Variants in USP7 observed in about 807,000 individuals in gnomAD.
The protein encoded by USP7 is ubiquitin C-terminal hydrolase 7.
Under a neutral mutation model 162.9 loss-of-function variants are expected in USP7, and 9 were observed. The ratio of observed to expected loss-of-function variants is 0.06; its 90% CI spans 0.03 to 0.10. The LOEUF (loss-of-function observed/expected upper bound fraction) is 0.10. Ranked by LOEUF, USP7 falls within the 10% of genes least tolerant of loss-of-function variation. USP7 has a pLI of 1.00. For missense variants in USP7, 715 were observed against 1,373.7 expected (o/e 0.52, Z 7.58); for synonymous variants, 562 against 475.9 (o/e 1.18, Z -2.35).
chr16:8,919,787 G>A (rs1897583298), intron 5 of USP7, among the ~76,000 whole-genome samples: 1 of 150,520 alleles, frequency 6.6e-6, no homozygotes, highest in Non-Finnish European at 1.5e-5. Flanking sequence ...GCCACGACCT[G>A]AACACACGAC....
intron 1 of USP7, among the ~76,000 whole-genome samples, chr16:8,959,156 G>A (rs563440178): frequency 5.3e-5 from 8 of 152,276 alleles, no homozygotes; most frequent in African/African-American, 1.9e-4. Flanking sequence ...TGACGGGCAT[G>A]AATGACCTCC....
chr16:8,952,673 C>T (rs2141262973), intron 1 of USP7, among the ~76,000 whole-genome samples: 1 of 152,276 alleles, frequency 6.6e-6, no homozygotes, highest in African/African-American at 2.4e-5. Context: ...AATCCCTTTG[C>T]CATGTAACGT....
intron 1 of USP7, among the ~76,000 whole-genome samples, chr16:8,954,664 G>A (rs991116520): frequency 1.3e-5 from 2 of 152,196 alleles, no homozygotes; most frequent in African/African-American, 4.8e-5. Context: ...ATTCATTTGA[G>A]GTTTGCGTAG....
intron 18 of USP7, 40 bp downstream of exon 18, chr16:8,902,042 T>A (rs1248830776): frequency 1.3e-6 from 2 of 1,529,634 alleles, no homozygotes; most frequent in South Asian, 2.2e-5. Context: ...AATCCAACGC[T>A]ACTGCTCTAA....
chr16:8,902,541 T>A, intron 16 of USP7, 59 bp from the exon 17 acceptor site: 3 of 1,373,408 alleles, frequency 2.2e-6, no homozygotes, highest in Non-Finnish European at 3.1e-6. Context: ...TAGTCCTCTA[T>A]ATTACACACA....
At chr16:8,926,679 G>C (rs1327881155) in intron 2 of USP7, among the ~76,000 whole-genome samples, 1 of 152,192 alleles carries the variant, frequency 6.6e-6, no homozygotes, top group African/African-American at 2.4e-5. Context: ...AGTATGCTAG[G>C]TATTAGCAAG....
At chr16:8,942,733 G>C (rs1246708375) in intron 1 of USP7, among the ~76,000 whole-genome samples, 1 of 152,106 alleles carries the variant, frequency 6.6e-6, no homozygotes, top group African/African-American at 2.4e-5. Flanking sequence ...TTTTTTTGTA[G>C]AGACTGGGTC....
chr16:8,942,461 C>T (rs1899091903), intron 1 of USP7, among the ~76,000 whole-genome samples: 1 of 152,252 alleles, frequency 6.6e-6, no homozygotes, highest in Non-Finnish European at 1.5e-5. Context: ...TCACCCCAGC[C>T]TGTCAAAGTA....
chr16:8,959,055 A>C (rs574086465), intron 1 of USP7, among the ~76,000 whole-genome samples: 2 of 152,282 alleles, frequency 1.3e-5, no homozygotes, highest in Admixed American at 6.5e-5. Context: ...CCTACCACCA[A>C]GGCAACACCA....
At chr16:8,955,594 T>A (rs1365136288) in intron 1 of USP7, among the ~76,000 whole-genome samples, 1 of 151,000 alleles carries the variant, frequency 6.6e-6, no homozygotes, top group Non-Finnish European at 1.5e-5. Flanking sequence ...TAGTCCTGGC[T>A]ACTTGGGAGG....
At chr16:8,900,888 G>C in intron 20 of USP7, 102 bp downstream of exon 20, 1 of 1,184,762 alleles carries the variant, frequency 8.4e-7, no homozygotes, top group Admixed American at 2.6e-5. Flanking sequence ...TGAGTTAGCT[G>C]GTAGACCTAA....
At chr16:8,923,174 G>C in intron 3 of USP7, 41 bp downstream of exon 3, 5 of 54,892 alleles carry the variant, frequency 9.1e-5, no homozygotes, top group Non-Finnish European at 1.7e-4. Flanking sequence ...ATTGCACTAG[G>C]CTGATCAAAT....
At chr16:8,948,373 C>T (rs955343565) in intron 1 of USP7, among the ~76,000 whole-genome samples, 1 of 152,040 alleles carries the variant, frequency 6.6e-6, no homozygotes, top group Non-Finnish European at 1.5e-5. Flanking sequence ...TTTGTAGAGA[C>T]GAGTTTTCAC....
At position 8,921,138 on chromosome 16, in the gene USP7, T is replaced by G. The variant is rs1001880454; in HGVS notation, c.522+19A>C. Reference sequence around the variant, plus strand: ...GCAGTAATGCACCAATTGTTCAGACTAAATACACTGTTACTTACACTCCAG... The same window carrying G: ...GCAGTAATGCACCAATTGTTCAGACGAAATACACTGTTACTTACACTCCAG... On this transcript the variant is annotated intron_variant, in intron 4 of 30. Transcript: ENST00000344836. 1.9e-6 allele frequency: 3 copies of G among 1,612,660 alleles called. No individual in the cohort carries two copies. Among genetic ancestry groups the G allele is most frequent in the Non-Finnish European group, 2.5e-6 (3 of 1,179,786 alleles).
At position 8,905,302 on chromosome 16, in the gene USP7, T is replaced by C; in HGVS notation, c.1458A>G (p.Ser486=). 6.2e-7 allele frequency: 1 copy of C among 1,614,208 alleles called. No individual in the cohort carries two copies. The highest frequency in any genetic ancestry group is 1.1e-5 in the South Asian group (1 of 91,088). Residue 486 remains serine, a synonymous_variant, in exon 14 of 31, where the codon TCA becomes TCG. Coordinates refer to ENST00000344836, the MANE Select transcript of USP7 (RefSeq NM_003470.3). The part of the protein sequence containing the change: ...KWCKFDDDVV[S]RCTKEEAIEH... ...CAATTGCTTCCTCTTTAGTACACCT[T>C]GACACCACGTCGTCATCAAATTTAC...
At chr16:8,901,669 TAA>T (rs1214960752) in intron 18 of USP7, among the ~76,000 whole-genome samples, 1 of 152,338 alleles carries the variant, frequency 6.6e-6, no homozygotes, top group East Asian at 1.9e-4. Flanking sequence ...GTTTTGTCGA[TAA>T]AGTTGTACTG....
intron 1 of USP7, among the ~76,000 whole-genome samples, chr16:8,947,558 G>A (rs1899345357): frequency 6.6e-6 from 1 of 152,138 alleles, no homozygotes; most frequent in South Asian, 2.1e-4. Context: ...ATGTTGCCCA[G>A]GCTCGTCTCG....
intron 3 of USP7, among the ~76,000 whole-genome samples, chr16:8,922,428 T>C (rs1897747004): frequency 6.6e-6 from 1 of 152,174 alleles, no homozygotes; most frequent in African/African-American, 2.4e-5. Flanking sequence ...GTGGAGGTTG[T>C]GGTGAGCCAA....
At chr16:8,962,616 A>T (rs973295823) in intron 1 of USP7, 5 of 300,584 alleles carry the variant, frequency 1.7e-5, no homozygotes, top group Non-Finnish European at 3.5e-5. Flanking sequence ...TGGATTCGGA[A>T]ACCAACAGCG....
Sources: gnomAD v4.1 joint callset for allele counts (sites outside exome capture counted in the v4.1 genomes callset) on GRCh38, gnomAD v4.1.1 for gene constraint, MANE v1.5 for transcripts, NCBI Gene and HGNC (gene_info 2026-07-23, HGNC 2026-07-21) for gene names.